ADGB: variants seen among roughly 807,000 people sequenced by gnomAD.
The protein encoded by ADGB is calpain-7-like protein.
In ADGB, 172 loss-of-function variants were observed where a neutral mutation model predicts 210.5. The ratio of observed to expected loss-of-function variants is 0.82; its 90% confidence interval spans 0.72 to 0.93. The LOEUF (loss-of-function observed/expected upper bound fraction) is 0.93, where lower values mean the gene tolerates loss of function less well. Among genes scored for constraint, ADGB ranks in the 40% least tolerant of loss-of-function variants. ADGB has a pLI of 0.00. For synonymous variants in ADGB, 658 were observed against 662.7 expected (o/e 0.99, Z 0.11); for missense variants, 2,025 against 1,964.8 (o/e 1.03, Z -0.58).
chr6:146,662,783 G>A (rs906477666), intron 5 of ADGB, among the ~76,000 whole-genome samples: 1 of 151,466 alleles, frequency 6.6e-6, no homozygotes, highest in Non-Finnish European at 1.5e-5. Context: ...AGATTCAGAA[G>A]GCACATCCTG....
At chr6:146,618,342 A>T (rs1186491791) in intron 1 of ADGB, among the ~76,000 whole-genome samples, 1 of 148,688 alleles carries the variant, frequency 6.7e-6, no homozygotes, top group African/African-American at 2.5e-5. Context: ...TATTTTGTGG[A>T]TTTTTTGTAT....
intron 1 of ADGB, among the ~76,000 whole-genome samples, chr6:146,618,300 ATTTGT>A (rs1780834354): frequency 6.7e-6 from 1 of 149,376 alleles, no homozygotes; most frequent in Non-Finnish European, 1.5e-5. Context: ...AAGTTTCTCT[ATTTGT>A]TTTATCTTTT....
At chr6:146,741,307 T>G in intron 25 of ADGB, 36 bp downstream of exon 25, 4 of 1,544,982 alleles carry the variant, frequency 2.6e-6, no homozygotes, top group Non-Finnish European at 3.5e-6. Context: ...TATGATAGAA[T>G]GGCAGTGAAA....
At chr6:146,693,920 A>G (rs1168565303) in intron 12 of ADGB, among the ~76,000 whole-genome samples, 1 of 152,022 alleles carries the variant, frequency 6.6e-6, no homozygotes, top group Non-Finnish European at 1.5e-5. Context: ...TCCATTTGAG[A>G]CCTCATCAAA....
intron 8 of ADGB, among the ~76,000 whole-genome samples, chr6:146,674,108 G>T (rs577416963): frequency 6.6e-6 from 1 of 152,252 alleles, no homozygotes; most frequent in East Asian, 1.9e-4. Flanking sequence ...GTGGGAAGAT[G>T]AACTATGATG....
chr6:146,688,481 G>A (rs2114919091), intron 10 of ADGB, among the ~76,000 whole-genome samples: 1 of 152,156 alleles, frequency 6.6e-6, no homozygotes, highest in Middle Eastern at 3.4e-3. Flanking sequence ...GATTCCACTG[G>A]GTTCAAGGAA....
chr6:146,674,172 T>C (rs1483507980), intron 8 of ADGB, among the ~76,000 whole-genome samples: 2 of 152,106 alleles, frequency 1.3e-5, no homozygotes, highest in Non-Finnish European at 2.9e-5. Context: ...TGTGCACTTG[T>C]GAGTGATAGG....
intron 29 of ADGB, among the ~76,000 whole-genome samples, chr6:146,769,994 A>G (rs571949448): frequency 6.6e-6 from 1 of 152,260 alleles, no homozygotes; most frequent in East Asian, 1.9e-4. Flanking sequence ...AGTAAATTTT[A>G]TCTATTATTT....
At chr6:146,639,626 ATAG>A (rs1436173994) in intron 2 of ADGB, 1 of 152,030 alleles carries the variant, frequency 6.6e-6, no homozygotes, top group Admixed American at 6.6e-5. Flanking sequence ...AGAAAACCCC[ATAG>A]TCTCAGACCA....
intron 30 of ADGB, among the ~76,000 whole-genome samples, chr6:146,783,802 T>C (rs374973271): frequency 6.6e-6 from 1 of 152,158 alleles, no homozygotes; most frequent in South Asian, 2.1e-4. Flanking sequence ...TCCTACCCAA[T>C]TGCCACCTAT....
At chr6:146,742,825 T>C (rs554203863) in intron 25 of ADGB, among the ~76,000 whole-genome samples, 66 of 152,234 alleles carry the variant, frequency 4.3e-4, no homozygotes, top group Non-Finnish European at 7.5e-4. Flanking sequence ...AGGGTGACTT[T>C]AAATATATCC....
At chr6:146,693,039 A>G (rs1776353505) in intron 12 of ADGB, 124 bp downstream of exon 12, 1 of 568,306 alleles carries the variant, frequency 1.8e-6, no homozygotes, top group East Asian at 2.9e-5. Context: ...AAGCCCAAAT[A>G]CATGTAAAAA....
At chr6:146,600,075 ATTC>A (rs1403406896) in intron 1 of ADGB, among the ~76,000 whole-genome samples, 1 of 152,000 alleles carries the variant, frequency 6.6e-6, no homozygotes, top group Non-Finnish European at 1.5e-5. Context: ...TTCTTTGTGA[ATTC>A]TTCTCCCAGA....
rs1306334019 is a variant in ADGB at position 146,728,758 on chromosome 6, T to C, written c.2520+17T>C. 1.3e-6 allele frequency: 2 copies of C among 1,513,902 alleles called. No homozygotes were observed. Among genetic ancestry groups the C allele is most frequent in the African/African-American group, 1.4e-5 (1 of 72,358 alleles). The allele number at this position is 1,513,902 out of a possible 1,614,324, so 93.8% of individuals were successfully genotyped here. A position where few individuals can be genotyped will look rare whatever the true frequency, so the allele number is the denominator to read the frequency against. Reference sequence around the variant, plus strand: ...CACTTCAGGGTAAGCTTGTTTGGGATACAATGTTCAGAAGAGGAAACTTTC... The same window carrying C: ...CACTTCAGGGTAAGCTTGTTTGGGACACAATGTTCAGAAGAGGAAACTTTC... On this transcript the variant is annotated intron_variant, in intron 20 of 35. Transcript: ENST00000397944.
intron 13 of ADGB, 117 bp from the exon 14 acceptor site, chr6:146,715,265 C>T: frequency 5.4e-6 from 5 of 919,022 alleles, no homozygotes; most frequent in East Asian, 5.9e-5. Context: ...GTAAATTTTC[C>T]CAAAAATCTA....
At position 146,685,718 on chromosome 6, in the gene ADGB, T is replaced by G; in HGVS notation, c.1217-16T>G. The G allele has an allele frequency of 6.9e-7, 1 of 1,451,622 alleles. No homozygotes were observed. The highest frequency in any genetic ancestry group is 9.2e-7 in the Non-Finnish European group (1 of 1,087,770). 89.9% of individuals were successfully genotyped at this position (1,451,622 alleles called of 1,614,324 possible). ...TGACTAGAATTTTCACAACATAATG[T>G]ATGTTTGTTTTACAGGTTCTTCTGC... On this transcript the variant is annotated splice_polypyrimidine_tract_variant and intron_variant, in intron 9 of 35. Coordinates refer to ENST00000397944, the MANE Select transcript of ADGB (RefSeq NM_024694.4).
intron 13 of ADGB, among the ~76,000 whole-genome samples, chr6:146,706,751 A>G (rs1776575455): frequency 7.4e-6 from 1 of 135,084 alleles, no homozygotes; most frequent in African/African-American, 2.8e-5. Flanking sequence ...TTCCTTTTTT[A>G]TTTCTGATTT....
chr6:146,656,706 A>T (rs530232523), intron 4 of ADGB, 65 bp from the exon 5 acceptor site: 12 of 1,115,538 alleles, frequency 1.1e-5, no homozygotes, highest in African/African-American at 1.6e-5. Flanking sequence ...TACTGTTTTT[A>T]TCCCTAAATT....
At chr6:146,705,767 G>T (rs1049050883) in intron 13 of ADGB, among the ~76,000 whole-genome samples, 1 of 152,110 alleles carries the variant, frequency 6.6e-6, no homozygotes, top group Non-Finnish European at 1.5e-5. Context: ...TCTGGCTTTG[G>T]TATTAAGATA....
Sources: allele counts gnomAD v4.1 joint callset (sites outside exome capture counted in the v4.1 genomes callset), GRCh38; gene constraint gnomAD v4.1.1; transcripts MANE v1.5; gene names NCBI Gene and HGNC (gene_info 2026-07-23, HGNC 2026-07-21).